Variants in C1orf21 observed in about 807,000 individuals in gnomAD.
C1orf21 encodes chromosome 1 open reading frame 21, also known as uncharacterized protein C1orf21.
A neutral mutation model predicts 18.7 loss-of-function variants in C1orf21; 3 were observed. That is an observed-to-expected ratio of 0.16 (90% confidence interval 0.07 to 0.42). The LOEUF (loss-of-function observed/expected upper bound fraction) is 0.42, where lower values mean the gene tolerates loss of function less well. Among genes scored for constraint, C1orf21 ranks in the 10% least tolerant of loss-of-function variants. The pLI is 0.99. For synonymous variants in C1orf21, 41 were observed against 46.4 expected (o/e 0.88, Z 0.47); for missense variants, 104 against 143.6 (o/e 0.72, Z 1.41).
Position 184,575,842 on chromosome 1 carries a change from T to C in C1orf21, c.190-14897T>C, listed in dbSNP as rs114514537. ...TACAGTGTAGGCGCCTGACTAAAGC[T>C]AGGCTAACCAGTGTTTCCCTGGGAT... On this transcript the variant is annotated intron_variant, in intron 3 of 5. Coordinates refer to ENST00000235307, the MANE Select transcript of C1orf21 (RefSeq NM_030806.4). Among the ~76,000 whole-genome samples the C allele has an allele frequency of 1.1e-3, 173 of 151,992 alleles. 1 individual carries two copies. Among genetic ancestry groups the C allele is most frequent in the African/African-American group, 3.9e-3 (160 of 41,470 alleles).
In C1orf21 at chr1:184,411,367, T is replaced by C. The variant is rs912179116; in HGVS notation, c.-125+23999T>C. On this transcript the variant is annotated intron_variant, in intron 1 of 5. Coordinates refer to ENST00000235307, the MANE Select transcript of C1orf21 (RefSeq NM_030806.4). ...TCAGAGCATGGAGAGTTCAATGTTA[T>C]CTTTTCCTTAAGCCAACGTAATGAA... Among the ~76,000 whole-genome samples the C allele has an allele frequency of 4.6e-5, 7 of 152,152 alleles. No homozygotes were observed. In the East Asian group the frequency reaches 1.4e-3, roughly 29 times the overall value.
chr1:184,488,620 A>T (rs1161387637), intron 2 of C1orf21, among the ~76,000 whole-genome samples: 4 of 152,238 alleles, frequency 2.6e-5, no homozygotes, highest in African/African-American at 9.6e-5. Flanking sequence ...CCCCCAATTT[A>T]TCTCTTCATA....
intron 3 of C1orf21, among the ~76,000 whole-genome samples, chr1:184,560,117 G>A (rs541532811): frequency 6.6e-6 from 1 of 152,206 alleles, no homozygotes; most frequent in Non-Finnish European, 1.5e-5. Context: ...TCAGTAACAT[G>A]CCAGATTATT....
At position 184,477,581 on chromosome 1, in the gene C1orf21, C is replaced by T. The variant is rs760166888; in HGVS notation, c.72C>T (p.Tyr24=). ...NEEEAQKGKN[Y]QNGDVFGDEY... ...AGGAAGCCCAGAAAGGGAAAAACTA[C>T]CAGAACGGAGATGTGTTTGGCGGTG... The change falls in exon 2 of 6, where the codon TAC becomes TAT. Residue 24 remains tyrosine (Y), a synonymous_variant. Transcript: ENST00000235307. 2.8e-5 allele frequency: 45 copies of T among 1,613,842 alleles called. No homozygotes were observed. The highest frequency in any genetic ancestry group is 3.7e-5 in the Non-Finnish European group (44 of 1,179,910).
At chr1:184,592,540 C>T (rs774425976) in intron 4 of C1orf21, among the ~76,000 whole-genome samples, 16 of 152,152 alleles carry the variant, frequency 1.1e-4, no homozygotes, top group Non-Finnish European at 2.2e-4. Flanking sequence ...GTTATCCCAG[C>T]GGCTACAAAT....
intron 1 of C1orf21, among the ~76,000 whole-genome samples, chr1:184,443,174 C>T (rs1347071955): frequency 2.0e-5 from 3 of 152,160 alleles, no homozygotes; most frequent in Non-Finnish European, 4.4e-5. Flanking sequence ...ATCCTTTAAC[C>T]ATATACTTAG....
intron 3 of C1orf21, among the ~76,000 whole-genome samples, chr1:184,583,222 C>T (rs946292852): frequency 2.0e-5 from 3 of 152,116 alleles, no homozygotes; most frequent in Admixed American, 6.5e-5. Context: ...GGGAAGCTCG[C>T]GACAACAGCA....
At chr1:184,468,588 G>A (rs1535134) in intron 1 of C1orf21, among the ~76,000 whole-genome samples, 19,644 of 152,096 alleles carry the variant, frequency 0.13, 1,569 homozygotes, top group East Asian at 0.25. Context: ...TATCAAATCA[G>A]GTACTCAAAA....
chr1:184,467,688 T>A (rs377465641), intron 1 of C1orf21, among the ~76,000 whole-genome samples: 3 of 152,232 alleles, frequency 2.0e-5, no homozygotes, highest in African/African-American at 7.2e-5. Flanking sequence ...CTAGTGTCTC[T>A]TGTCCCTGCC....
Position 184,524,497 on chromosome 1 carries a change from G to A in C1orf21, c.189+16815G>A, listed in dbSNP as rs188312521. Among the ~76,000 whole-genome samples, 12 of 151,816 alleles carry A rather than the reference G, an allele frequency of 7.9e-5. No homozygotes were observed. In the East Asian group the frequency reaches 2.1e-3, roughly 27 times the overall value. ...ACCCCACAAGAACATTGCATAAGAT[G>A]GAAAAAAATCATGACATTGGCTGGA... On this transcript the variant is annotated intron_variant, in intron 3 of 5. Coordinates refer to ENST00000235307, the MANE Select transcript of C1orf21 (RefSeq NM_030806.4).
At chr1:184,503,828 T>A (rs1412162442) in intron 2 of C1orf21, among the ~76,000 whole-genome samples, 2 of 152,194 alleles carry the variant, frequency 1.3e-5, no homozygotes, top group East Asian at 1.9e-4. Flanking sequence ...GACTTTTAAA[T>A]GAATCAACTA....
At chr1:184,539,294 T>C (rs1658608574) in intron 3 of C1orf21, among the ~76,000 whole-genome samples, 1 of 152,196 alleles carries the variant, frequency 6.6e-6, no homozygotes, top group Non-Finnish European at 1.5e-5. Flanking sequence ...GTATATTACA[T>C]TGATTGATTT....
intron 5 of C1orf21, among the ~76,000 whole-genome samples, chr1:184,603,813 T>C (rs1659616218): frequency 6.6e-6 from 1 of 152,172 alleles, no homozygotes; most frequent in Non-Finnish European, 1.5e-5. Context: ...TAAATAAAAA[T>C]AAATAAAAGA....
In C1orf21 at chr1:184,569,137, C is replaced by T. The variant is rs537468626; in HGVS notation, c.190-21602C>T. On this transcript the variant is annotated intron_variant, in intron 3 of 5. Coordinates refer to ENST00000235307, the MANE Select transcript of C1orf21 (RefSeq NM_030806.4). ...AGTGGTTCTACCCAGGATGAGAGGG[C>T]GTCAGCATGGTGTTTTCTTTTGCTT... Among the ~76,000 whole-genome samples, 5 of 152,302 alleles carry T rather than the reference C, an allele frequency of 3.3e-5. No homozygotes were observed. In the East Asian group the frequency reaches 5.8e-4, roughly 18 times the overall value.
rs1660045196 is a variant in C1orf21, at chr1:184,627,986, A to G, written c.*8430A>G. The G allele has an allele frequency of 6.6e-6, 1 of 152,220 alleles. No homozygotes were observed. The highest frequency in any genetic ancestry group is 2.4e-5 in the African/African-American group (1 of 41,456). The allele number at this position is 152,220 out of a possible 1,614,324, so 9.4% of individuals were successfully genotyped here. ...AATGGCTACATATTTGCCCTTCCCA[A>G]GGGTATTTGCATTTTATTTAGGAAC... On this transcript the variant is annotated 3_prime_UTR_variant, in exon 6 of 6. Transcript: ENST00000235307.
intron 1 of C1orf21, among the ~76,000 whole-genome samples, chr1:184,423,549 T>G (rs891836935): frequency 6.6e-6 from 1 of 152,118 alleles, no homozygotes; most frequent in Non-Finnish European, 1.5e-5. Flanking sequence ...GACAAAAATA[T>G]GTAGGATGAG....
In C1orf21 at chr1:184,421,468, C is replaced by G. The variant is rs143220988; in HGVS notation, c.-125+34100C>G. Among the ~76,000 whole-genome samples, 120 of 152,298 alleles carry G rather than the reference C, an allele frequency of 7.9e-4. 1 individual carries two copies. Among genetic ancestry groups the G allele is most frequent in the African/African-American group, 2.7e-3 (112 of 41,548 alleles). On this transcript the variant is annotated intron_variant, in intron 1 of 5. Coordinates refer to ENST00000235307, the MANE Select transcript of C1orf21 (RefSeq NM_030806.4). ...ATGAGAAAAATAAAATTCCTTTAGG[C>G]TTTAAAACAAAACAACAACAATATT...
At chr1:184,453,124 A>G (rs186155436) in intron 1 of C1orf21, among the ~76,000 whole-genome samples, 8 of 152,300 alleles carry the variant, frequency 5.3e-5, no homozygotes, top group Admixed American at 4.6e-4. Context: ...AGTGATGCAT[A>G]CTACAGCCCA....
At chr1:184,499,487 G>A (rs568580269) in intron 2 of C1orf21, among the ~76,000 whole-genome samples, 2 of 152,246 alleles carry the variant, frequency 1.3e-5, no homozygotes, top group South Asian at 2.1e-4. Flanking sequence ...CCCCAGAGAG[G>A]TGACAAGAGA....
Sources: gnomAD v4.1 joint callset for allele counts (sites outside exome capture counted in the v4.1 genomes callset) on GRCh38, gnomAD v4.1.1 for gene constraint, MANE v1.5 for transcripts, NCBI Gene and HGNC (gene_info 2026-07-23, HGNC 2026-07-21) for gene names.